SLCO3A1: variants seen among roughly 807,000 people sequenced by gnomAD.
SLCO3A1 encodes the protein PGE1 transporter.
Under a neutral mutation model 63.1 loss-of-function variants are expected in SLCO3A1, and 27 were observed. That is an observed-to-expected ratio of 0.43 (90% confidence interval 0.32 to 0.59). SLCO3A1 has a LOEUF of 0.59. Among genes scored for constraint, SLCO3A1 ranks in the 20% least tolerant of loss-of-function variants. SLCO3A1 has a pLI of 0.09. For missense variants in SLCO3A1, 773 were observed against 945.8 expected (o/e 0.82, Z 2.40); for synonymous variants, 473 against 409.9 (o/e 1.15, Z -1.86).
At chr15:92,112,161 A>G (rs1236801273) in intron 4 of SLCO3A1, among the ~76,000 whole-genome samples, 1 of 152,124 alleles carries the variant, frequency 6.6e-6, no homozygotes, top group Non-Finnish European at 1.5e-5. Context: ...GTGGATGGAG[A>G]GAGAAGAGCT....
chr15:91,857,029 C>CGTGTGTGTGTGTGTGTGTGT, intron 1 of SLCO3A1, among the ~76,000 whole-genome samples: 1 of 139,120 alleles, frequency 7.2e-6, no homozygotes, highest in East Asian at 2.1e-4. Flanking sequence ...AAGGAGGACT[C>CGTGTGTGTGTGTGTGTGTGT]GTGTGTGTGT....
chr15:92,094,754 G>A (rs985563092), intron 2 of SLCO3A1, 127 bp from the exon 3 acceptor site: 8 of 626,076 alleles, frequency 1.3e-5, no homozygotes, highest in South Asian at 2.1e-5. Flanking sequence ...TCCCCTCTAG[G>A]ATTTTTAGAT....
chr15:92,148,916 AGAT>A (rs1187528305), intron 8 of SLCO3A1: 1 of 152,238 alleles, frequency 6.6e-6, no homozygotes, highest in Non-Finnish European at 1.5e-5. Flanking sequence ...TATTTAGAGA[AGAT>A]GATTATAATA....
chr15:92,025,438 G>A (rs2046560973), intron 2 of SLCO3A1, among the ~76,000 whole-genome samples: 3 of 152,160 alleles, frequency 2.0e-5, no homozygotes. Flanking sequence ...TGACACTAAT[G>A]CTGCTGCTCT....
rs2048486194 is a variant in SLCO3A1 at position 92,165,477 on chromosome 15, T to A, written c.*2342T>A. 9 of 984,018 alleles carry A rather than the reference T, an allele frequency of 9.1e-6. No individual in the cohort carries two copies. Among genetic ancestry groups the A allele is most frequent in the Non-Finnish European group, 1.1e-5 (9 of 828,724 alleles). The allele number at this position is 984,018 out of a possible 1,614,324, so 61.0% of individuals were successfully genotyped here. On this transcript the variant is annotated 3_prime_UTR_variant, in exon 10 of 10. Transcript: ENST00000318445. ...CACACACTGAGGCCCTTTGACCTAGTGTTTTATGGAACTATTTGCTTTGAG... is the reference window on the plus strand; with the variant it reads ...CACACACTGAGGCCCTTTGACCTAGAGTTTTATGGAACTATTTGCTTTGAG...
rs1055492894 is a variant in SLCO3A1, at chr15:92,051,756, A to G, written c.647-43125A>G. On this transcript the variant is annotated intron_variant, in intron 2 of 9. Transcript: ENST00000318445. ...TGGCAGAAGGAACAGCCGTGAAATC[A>G]GCAGATTAACTCTTCAAAGAAGACA... is the stretch of plus-strand genomic sequence containing the variant. Among the ~76,000 whole-genome samples the G allele has an allele frequency of 2.6e-5, 4 of 152,196 alleles. No individual in the cohort carries two copies. In the East Asian group the frequency reaches 7.7e-4, roughly 29 times the overall value.
chr15:92,169,632 A>G (rs1679160598), downstream of SLCO3A1, among the ~76,000 whole-genome samples: 1 of 152,220 alleles, frequency 6.6e-6, no homozygotes, highest in Admixed American at 6.5e-5. Flanking sequence ...GATGCCAGGG[A>G]GGCACTCCAC....
intron 2 of SLCO3A1, among the ~76,000 whole-genome samples, chr15:92,073,476 C>T (rs1467045733): frequency 6.6e-6 from 1 of 152,206 alleles, no homozygotes; most frequent in Non-Finnish European, 1.5e-5. Context: ...AGGTTTTCAT[C>T]TTTTCCTTTG....
intron 1 of SLCO3A1, among the ~76,000 whole-genome samples, chr15:91,867,250 C>T (rs1467855302): frequency 6.6e-6 from 1 of 152,180 alleles, no homozygotes; most frequent in Non-Finnish European, 1.5e-5. Flanking sequence ...GGACCTTCAT[C>T]CAGGGCATGC....
chr15:92,104,030 T>C (rs2047637096), intron 3 of SLCO3A1, among the ~76,000 whole-genome samples: 1 of 152,240 alleles, frequency 6.6e-6, no homozygotes, highest in Non-Finnish European at 1.5e-5. Flanking sequence ...CTCACTGTTT[T>C]TGTTTAGACC....
At position 91,926,558 on chromosome 15, in the gene SLCO3A1, CGTGTGTGT is replaced by C. The variant is rs565234731; in HGVS notation, c.646+10132_646+10139del. On this transcript the variant is annotated intron_variant, in intron 2 of 9. Transcript: ENST00000318445. ...CTTTGCCATTTCATTCCTGCCAAGC[CGTGTGTGT>C]GTGTGTGTGTGTGTGTGTGTGTGTG... is the stretch of plus-strand genomic sequence containing the variant. Among the ~76,000 whole-genome samples the C allele has an allele frequency of 6.3e-5, 8 of 126,074 alleles. 1 individual carries two copies. Among genetic ancestry groups the C allele is most frequent in the East Asian group, 2.6e-4 (1 of 3,904 alleles). 82.7% of individuals were successfully genotyped at this position (126,074 alleles called of 152,430 possible).
At position 91,868,027 on chromosome 15, in the gene SLCO3A1, T is replaced by C. The variant is rs73547371; in HGVS notation, c.180+13939T>C. ...TTCATCGCCTGGCTCTAGTGCTAGCTTCAACTTCAAGTTCGTGCTTTTTTT... is the reference window on the plus strand; with the variant it reads ...TTCATCGCCTGGCTCTAGTGCTAGCCTCAACTTCAAGTTCGTGCTTTTTTT... On this transcript the variant is annotated intron_variant, in intron 1 of 9. Coordinates refer to ENST00000318445, the MANE Select transcript of SLCO3A1 (RefSeq NM_013272.4). Among the ~76,000 whole-genome samples the C allele has an allele frequency of 7.2e-3, 1,102 of 152,278 alleles. 11 individuals carry two copies. Among genetic ancestry groups the C allele is most frequent in the African/African-American group, 0.023 (959 of 41,556 alleles).
intron 2 of SLCO3A1, among the ~76,000 whole-genome samples, chr15:92,018,044 A>C (rs1008538432): frequency 6.6e-6 from 1 of 152,114 alleles, no homozygotes; most frequent in African/African-American, 2.4e-5. Flanking sequence ...GATGACAGAG[A>C]TGGAACGCAG....
At chr15:92,107,191 G>T (rs2047677187) in intron 4 of SLCO3A1, among the ~76,000 whole-genome samples, 1 of 152,210 alleles carries the variant, frequency 6.6e-6, no homozygotes, top group Non-Finnish European at 1.5e-5. Context: ...GATGGTTAAT[G>T]ATTTTAATTT....
chr15:91,926,590 T>TGCGC (rs1567189201), intron 2 of SLCO3A1, among the ~76,000 whole-genome samples: 3 of 107,420 alleles, frequency 2.8e-5, no homozygotes, highest in African/African-American at 1.2e-4. Context: ...TGTGTGTGTG[T>TGCGC]GTGTGTGCGC....
intron 1 of SLCO3A1, among the ~76,000 whole-genome samples, chr15:91,893,900 A>G (rs1245304677): frequency 6.6e-6 from 1 of 152,204 alleles, no homozygotes; most frequent in Non-Finnish European, 1.5e-5. Flanking sequence ...CAGGTAGGGA[A>G]CAGATGATTG....
rs571125504 is a variant in SLCO3A1 at position 92,066,270 on chromosome 15, G to A, written c.647-28611G>A. On this transcript the variant is annotated intron_variant, in intron 2 of 9. Transcript: ENST00000318445. Reference sequence around the variant, plus strand: ...CATAGGATGCCCTCAGGCTCTTCAGGGGAAGAGTGACCCAACGGAAAGAAC... The same window carrying A: ...CATAGGATGCCCTCAGGCTCTTCAGAGGAAGAGTGACCCAACGGAAAGAAC... Among the ~76,000 whole-genome samples, 251 of 152,312 alleles carry A rather than the reference G, an allele frequency of 1.6e-3. 2 individuals carry two copies. Among genetic ancestry groups the A allele is most frequent in the Admixed American group, 4.8e-3 (74 of 15,298 alleles).
chr15:91,946,293 T>C (rs1899803232), intron 2 of SLCO3A1, among the ~76,000 whole-genome samples: 1 of 152,206 alleles, frequency 6.6e-6, no homozygotes. Flanking sequence ...GCTGCACGTC[T>C]TTGATTTTTA....
intron 2 of SLCO3A1, among the ~76,000 whole-genome samples, chr15:91,982,757 A>G (rs2046003618): frequency 6.6e-6 from 1 of 152,276 alleles, no homozygotes; most frequent in African/African-American, 2.4e-5. Context: ...GTGGGAGGAC[A>G]GGTGTTGCAC....
Sources: allele counts gnomAD v4.1 joint callset (sites outside exome capture counted in the v4.1 genomes callset), GRCh38; gene constraint gnomAD v4.1.1; transcripts MANE v1.5; gene names NCBI Gene and HGNC (gene_info 2026-07-23, HGNC 2026-07-21).